TBL1XR1: variants seen among roughly 807,000 people sequenced by gnomAD.
TBL1XR1 encodes the protein TBL1X/Y related 1.
Under a neutral mutation model 66.9 loss-of-function variants are expected in TBL1XR1, and 5 were observed. That is an observed-to-expected ratio of 0.07 (90% CI 0.04 to 0.16). TBL1XR1 has a LOEUF of 0.16. Among genes scored for constraint, TBL1XR1 ranks in the 10% least tolerant of loss-of-function variants. TBL1XR1 has a pLI of 1.00. For missense variants in TBL1XR1, 238 were observed against 623.2 expected, an observed-to-expected ratio of 0.38 and a Z score of 6.58; for synonymous variants, 210 against 206.0, an observed-to-expected ratio of 1.02 and a Z score of -0.17.
At chr3:177,129,095 C>G (rs191960569) in intron 1 of TBL1XR1, among the ~76,000 whole-genome samples, 10 of 151,994 alleles carry the variant, frequency 6.6e-5, no homozygotes, top group Admixed American at 3.9e-4. Context: ...ATGGGATGCT[C>G]AAAAGACAGT....
intron 4 of TBL1XR1, among the ~76,000 whole-genome samples, 175 bp from the exon 5 acceptor site, chr3:177,051,901 G>A (rs954445531): frequency 2.6e-5 from 4 of 152,086 alleles, no homozygotes; most frequent in African/African-American, 9.7e-5. Flanking sequence ...AGCAGCAACT[G>A]GAAATGACTG....
At chr3:177,026,048 A>G (rs1244388805) in intron 15 of TBL1XR1, 1 of 321,948 alleles carries the variant, frequency 3.1e-6, no homozygotes, top group East Asian at 8.3e-5. Context: ...TCTTCTGTGA[A>G]GAGGAGAAGG....
At chr3:177,088,975 A>G (rs916876883) in intron 2 of TBL1XR1, among the ~76,000 whole-genome samples, 4 of 152,302 alleles carry the variant, frequency 2.6e-5, no homozygotes, top group African/African-American at 9.6e-5. Flanking sequence ...TGCTACATTT[A>G]TAAGTAGGTA....
upstream of TBL1XR1, among the ~76,000 whole-genome samples, chr3:177,201,017 AG>A (rs1264258768): frequency 4.0e-5 from 6 of 151,768 alleles, no homozygotes; most frequent in Non-Finnish European, 8.8e-5. Flanking sequence ...AAAAAAAAAA[AG>A]TTCTCTCTTG....
intron 1 of TBL1XR1, among the ~76,000 whole-genome samples, chr3:177,139,552 T>C (rs1169673507): frequency 1.3e-5 from 2 of 149,302 alleles, no homozygotes; most frequent in Admixed American, 6.7e-5. Context: ...AAAAAAAAAA[T>C]TAAAGCATAA....
In TBL1XR1 at chr3:177,186,541, C is replaced by T. The variant is rs1171087032; in HGVS notation, c.-122+10580G>A. On this transcript the variant is annotated intron_variant, in intron 1 of 15. Coordinates refer to ENST00000457928, the MANE Select transcript of TBL1XR1 (RefSeq NM_024665.7). ...ACAGAAATGTAGCAACATTAGTATACACTCTTCCCAATTAGCCTGTTGAAA... is the reference window on the plus strand; with the variant it reads ...ACAGAAATGTAGCAACATTAGTATATACTCTTCCCAATTAGCCTGTTGAAA... Among the ~76,000 whole-genome samples, 4 of 152,258 alleles carry T rather than the reference C, an allele frequency of 2.6e-5. No individual in the cohort carries two copies. The South Asian group carries it at 8.3e-4, about 32-fold the overall frequency.
intron 10 of TBL1XR1, among the ~76,000 whole-genome samples, chr3:177,043,871 T>C (rs527910896): frequency 6.6e-6 from 1 of 152,328 alleles, no homozygotes; most frequent in South Asian, 2.1e-4. Context: ...TTTGGATTTA[T>C]AGTGCACACC....
rs1491336761 is a variant in TBL1XR1 at position 177,111,270 on chromosome 3, GAT to G, written c.-121-12731_-121-12730del. ...GTTCCACTGAGAAACCACTATGATTGATTTTTTTTTTTTTTTTTTAAAGACAG... is the reference window on the plus strand; with the variant it reads ...GTTCCACTGAGAAACCACTATGATTGTTTTTTTTTTTTTTTTTAAAGACAG... On this transcript the variant is annotated intron_variant, in intron 1 of 15. Coordinates refer to ENST00000457928, the MANE Select transcript of TBL1XR1 (RefSeq NM_024665.7). 2.4e-3 allele frequency among the ~76,000 whole-genome samples: 279 copies of G among 118,680 alleles called. 1 individual carries two copies. The highest frequency in any genetic ancestry group is 8.1e-3 in the African/African-American group (269 of 33,112). The allele number at this position is 118,680 out of a possible 152,430, so 77.9% of individuals were successfully genotyped here.
chr3:177,095,866 T>C (rs139213973), intron 2 of TBL1XR1, among the ~76,000 whole-genome samples: 1 of 152,330 alleles, frequency 6.6e-6, no homozygotes, highest in African/African-American at 2.4e-5. Context: ...ATCCCTCATA[T>C]TATTTTAACA....
intron 1 of TBL1XR1, among the ~76,000 whole-genome samples, chr3:177,194,782 A>C (rs769569048): frequency 2.6e-5 from 4 of 152,210 alleles, no homozygotes; most frequent in Non-Finnish European, 5.9e-5. Flanking sequence ...TAATCATGCA[A>C]AACCTTTAAT....
chr3:177,068,138 A>G (rs1719410238), intron 2 of TBL1XR1, among the ~76,000 whole-genome samples: 2 of 152,338 alleles, frequency 1.3e-5, no homozygotes, highest in South Asian at 4.1e-4. Context: ...CTTATTAAAT[A>G]AACAGGATAT....
chr3:177,165,055 G>C (rs1335658166), intron 1 of TBL1XR1, among the ~76,000 whole-genome samples: 3 of 151,646 alleles, frequency 2.0e-5, no homozygotes, highest in Non-Finnish European at 2.9e-5. Flanking sequence ...AATTTGTTAT[G>C]GGTTCTAGCT....
intron 1 of TBL1XR1, among the ~76,000 whole-genome samples, chr3:177,112,092 TATATATATA>T (rs1725670772): frequency 6.3e-5 from 3 of 47,720 alleles, no homozygotes; most frequent in South Asian, 6.8e-4. Context: ...TATATATATA[TATATATATA>T]TATATATTTT....
At chr3:177,039,772 G>A (rs1715317730) in intron 10 of TBL1XR1, among the ~76,000 whole-genome samples, 1 of 152,186 alleles carries the variant, frequency 6.6e-6, no homozygotes, top group African/African-American at 2.4e-5. Flanking sequence ...TAGTGCAATG[G>A]GGGAGGAGGG....
intron 1 of TBL1XR1, among the ~76,000 whole-genome samples, chr3:177,159,732 T>TA (rs1731944393): frequency 6.6e-6 from 1 of 152,200 alleles, no homozygotes; most frequent in Non-Finnish European, 1.5e-5. Flanking sequence ...AAGTCCTAAA[T>TA]AAGTAATGTC....
intron 1 of TBL1XR1, chr3:177,131,510 CTTTTTTTTTT>C (rs36027399): frequency 1.6e-5 from 4 of 253,386 alleles, no homozygotes; most frequent in African/African-American, 1.1e-4. Context: ...TTCTGAATAT[CTTTTTTTTTT>C]TTTTTTTTGA....
At chr3:177,131,397 G>C (rs1728275045) in intron 1 of TBL1XR1, 1 of 984,932 alleles carries the variant, frequency 1.0e-6, no homozygotes, top group Non-Finnish European at 1.2e-6. Context: ...ACTGCCTCCT[G>C]AGCTCAATAC....
intron 1 of TBL1XR1, among the ~76,000 whole-genome samples, chr3:177,179,545 C>G (rs1734559153): frequency 6.6e-6 from 1 of 152,162 alleles, no homozygotes; most frequent in Non-Finnish European, 1.5e-5. Context: ...TCAAGAGAGG[C>G]AGGTAAAATG....
At chr3:177,193,085 G>A (rs947843592) in intron 1 of TBL1XR1, among the ~76,000 whole-genome samples, 5 of 151,758 alleles carry the variant, frequency 3.3e-5, no homozygotes, top group East Asian at 2.0e-4. Flanking sequence ...CCCAGGAGGC[G>A]GAGGTTGCAG....
Sources: allele counts gnomAD v4.1 joint callset (sites outside exome capture counted in the v4.1 genomes callset), GRCh38; gene constraint gnomAD v4.1.1; transcripts MANE v1.5; gene names NCBI Gene and HGNC (gene_info 2026-07-23, HGNC 2026-07-21).